Variants in NIBAN1 observed in about 807,000 individuals in gnomAD.
The protein encoded by NIBAN1 is protein Niban 1.
In NIBAN1, 81 loss-of-function variants were observed where a neutral mutation model predicts 75.1. That is an observed-to-expected ratio of 1.08 (90% CI 0.90 to 1.30). The LOEUF is 1.30. Among genes scored for constraint, NIBAN1 ranks in the 50% most tolerant of loss-of-function variants. NIBAN1 has a pLI of 0.00. For missense variants in NIBAN1, 1,133 were observed against 1,128.1 expected, an observed-to-expected ratio of 1.00 and a Z score of -0.06; for synonymous variants, 436 against 424.8, an observed-to-expected ratio of 1.03 and a Z score of -0.32.
At chr1:184,861,486 G>A (rs1655812414) in intron 5 of NIBAN1, among the ~76,000 whole-genome samples, 1 of 151,230 alleles carries the variant, frequency 6.6e-6, no homozygotes, top group Admixed American at 6.6e-5. Flanking sequence ...GTTGGCAGAA[G>A]GAAGGGACAA....
chr1:184,818,907 G>A lies in NIBAN1; in HGVS notation c.986-82C>T, dbSNP rs1330455130. ...ACTGGAGCCAGACCAGAGCTGAATGGTGCCCCACGGAGCCATTTAACAGCC... is the reference window on the plus strand; with the variant it reads ...ACTGGAGCCAGACCAGAGCTGAATGATGCCCCACGGAGCCATTTAACAGCC... On this transcript the variant is annotated intron_variant, in intron 8 of 13. Coordinates refer to ENST00000367511, the MANE Select transcript of NIBAN1 (RefSeq NM_052966.4). 7 of 1,449,750 alleles carry A rather than the reference G, an allele frequency of 4.8e-6. No individual in the cohort carries two copies. The South Asian group carries it at 6.8e-5, about 14-fold the overall frequency. 89.8% of individuals were successfully genotyped at this position (1,449,750 alleles called of 1,614,324 possible).
At chr1:184,954,495 C>T (rs377465826) in intron 1 of NIBAN1, among the ~76,000 whole-genome samples, 8 of 152,162 alleles carry the variant, frequency 5.3e-5, no homozygotes, top group Admixed American at 2.6e-4. Flanking sequence ...CAAATGACCT[C>T]AGGGCCTCTT....
intron 1 of NIBAN1, among the ~76,000 whole-genome samples, chr1:184,935,619 T>A (rs552915427): frequency 5.3e-4 from 80 of 152,156 alleles, no homozygotes; most frequent in Non-Finnish European, 7.9e-4. Flanking sequence ...ATATATATAT[T>A]TTTTTAAATG....
At chr1:184,829,596 C>G (rs1421011115) in intron 6 of NIBAN1, among the ~76,000 whole-genome samples, 2 of 151,152 alleles carry the variant, frequency 1.3e-5, no homozygotes, top group African/African-American at 4.9e-5. Context: ...GCCTCCCAAG[C>G]AGCTGGGATT....
intron 5 of NIBAN1, among the ~76,000 whole-genome samples, chr1:184,880,436 G>A (rs1032330260): frequency 6.6e-6 from 1 of 152,186 alleles, no homozygotes; most frequent in African/African-American, 2.4e-5. Flanking sequence ...TTATAATAGA[G>A]TCCAAGTTCC....
intron 1 of NIBAN1, among the ~76,000 whole-genome samples, chr1:184,900,830 C>T (rs907634153): frequency 6.6e-6 from 1 of 152,178 alleles, no homozygotes; most frequent in African/African-American, 2.4e-5. Context: ...GAACAGGGTA[C>T]AGCTTGAGGA....
intron 5 of NIBAN1, among the ~76,000 whole-genome samples, chr1:184,881,456 C>T (rs1417719672): frequency 1.3e-5 from 2 of 152,214 alleles, no homozygotes; most frequent in African/African-American, 2.4e-5. Flanking sequence ...GAACCCCAAG[C>T]GAGATCAACA....
chr1:184,915,565 G>T (rs573614219), intron 1 of NIBAN1, among the ~76,000 whole-genome samples: 1 of 152,262 alleles, frequency 6.6e-6, no homozygotes, highest in East Asian at 1.9e-4. Flanking sequence ...CCTTTGTTTT[G>T]TTGTGATGGA....
intron 5 of NIBAN1, chr1:184,868,429 C>CTGCAACAT (rs1210728182): frequency 9.9e-5 from 15 of 152,208 alleles, no homozygotes; most frequent in Admixed American, 9.8e-4. Context: ...AACCCCACCC[C>CTGCAACAT]TGCAACATAT....
At chr1:184,915,674 C>A (rs993184990) in intron 1 of NIBAN1, among the ~76,000 whole-genome samples, 5 of 152,066 alleles carry the variant, frequency 3.3e-5, no homozygotes, top group Non-Finnish European at 7.3e-5. Context: ...TTTTTGAAAT[C>A]TAGTGAAGGA....
At chr1:184,865,936 C>T (rs1655944783) in intron 5 of NIBAN1, among the ~76,000 whole-genome samples, 1 of 152,172 alleles carries the variant, frequency 6.6e-6, no homozygotes, top group Non-Finnish European at 1.5e-5. Context: ...ATTGCCTTTG[C>T]TGTTAACAAG....
At chr1:184,815,479 CA>C (rs1246714999) in intron 9 of NIBAN1, among the ~76,000 whole-genome samples, 1 of 152,148 alleles carries the variant, frequency 6.6e-6, no homozygotes, top group African/African-American at 2.4e-5. Context: ...AGTTTCTCCC[CA>C]GAAGAAGATG....
rs561704728 is a variant in NIBAN1, at chr1:184,838,358, C to T, written c.602-6396G>A. On this transcript the variant is annotated intron_variant, in intron 5 of 13. Transcript: ENST00000367511. ...TCTGAAAACCTGGTAAGTTTGCCTT[C>T]TATGTTTCTGGCCAACTCAACGATA... is the stretch of plus-strand genomic sequence containing the variant. Among the ~76,000 whole-genome samples, 4 of 152,298 alleles carry T rather than the reference C, an allele frequency of 2.6e-5. No homozygotes were observed. In the South Asian group the frequency reaches 8.3e-4, roughly 32 times the overall value.
intron 5 of NIBAN1, among the ~76,000 whole-genome samples, chr1:184,858,275 A>G (rs1655729613): frequency 6.6e-6 from 1 of 152,172 alleles, no homozygotes; most frequent in Non-Finnish European, 1.5e-5. Flanking sequence ...ATGACAATGA[A>G]AAGATATAAA....
intron 1 of NIBAN1, among the ~76,000 whole-genome samples, chr1:184,958,132 C>CAA (rs1213295539): frequency 6.6e-6 from 1 of 152,078 alleles, no homozygotes; most frequent in African/African-American, 2.4e-5. Flanking sequence ...TTTGGGAGGC[C>CAA]AAGGCAGGTG....
chr1:184,932,146 C>T (rs369945399), intron 1 of NIBAN1, among the ~76,000 whole-genome samples: 17 of 152,202 alleles, frequency 1.1e-4, no homozygotes, highest in African/African-American at 3.6e-4. Flanking sequence ...GCACCAGGAA[C>T]AAGTTTCATA....
chr1:184,937,665 G>A (rs1657996824), intron 1 of NIBAN1, among the ~76,000 whole-genome samples: 1 of 152,190 alleles, frequency 6.6e-6, no homozygotes, highest in African/African-American at 2.4e-5. Flanking sequence ...CAAAATAAAA[G>A]CAGGTGTGGG....
chr1:184,955,607 G>T (rs1658470017), intron 1 of NIBAN1, among the ~76,000 whole-genome samples: 1 of 152,130 alleles, frequency 6.6e-6, no homozygotes, highest in South Asian at 2.1e-4. Flanking sequence ...AAAGTGCTGG[G>T]ATTACAGGCG....
intron 1 of NIBAN1, among the ~76,000 whole-genome samples, chr1:184,906,776 C>A (rs1657117946): frequency 6.6e-6 from 1 of 152,196 alleles, no homozygotes; most frequent in African/African-American, 2.4e-5. Flanking sequence ...TTTTCCTTAA[C>A]CAGTCTGAAA....
Sources: gnomAD v4.1 joint callset for allele counts (sites outside exome capture counted in the v4.1 genomes callset) on GRCh38, gnomAD v4.1.1 for gene constraint, MANE v1.5 for transcripts, NCBI Gene and HGNC (gene_info 2026-07-23, HGNC 2026-07-21) for gene names.